TLN2: variants seen among roughly 807,000 people sequenced by gnomAD.
TLN2 encodes the protein talin 2.
A neutral mutation model predicts 294.7 loss-of-function variants in TLN2; 118 were observed. That is an observed-to-expected ratio of 0.40 (90% CI 0.34 to 0.47). The LOEUF (loss-of-function observed/expected upper bound fraction) is 0.47, where lower values mean the gene tolerates loss of function less well. Among genes scored for constraint, TLN2 ranks in the 20% least tolerant of loss-of-function variants. TLN2 has a pLI of 0.84. For missense variants in TLN2, 3,083 were observed against 3,282.2 expected, an observed-to-expected ratio of 0.94 and a Z score of 1.48; for synonymous variants, 1,431 against 1,304.5, an observed-to-expected ratio of 1.10 and a Z score of -2.09.
At chr15:62,519,450 C>G (rs1020170767) in intron 1 of TLN2, among the ~76,000 whole-genome samples, 5 of 152,156 alleles carry the variant, frequency 3.3e-5, no homozygotes, top group Non-Finnish European at 7.3e-5. Context: ...AATTTGTTTC[C>G]TGTGCCTTTT....
chr15:62,475,435 G>A (rs1255541170), intron 1 of TLN2, among the ~76,000 whole-genome samples: 1 of 152,142 alleles, frequency 6.6e-6, no homozygotes, highest in African/African-American at 2.4e-5. Flanking sequence ...AGGGCTAACC[G>A]AAGCTAGAAT....
intron 23 of TLN2, among the ~76,000 whole-genome samples, 184 bp downstream of exon 23, chr15:62,716,643 T>G (rs753657617): frequency 2.6e-5 from 4 of 152,248 alleles, no homozygotes; most frequent in Non-Finnish European, 4.4e-5. Context: ...TTCCGTAAGC[T>G]CGAATCCTTT....
chr15:62,391,223 C>T (rs564376428), intron 1 of TLN2, among the ~76,000 whole-genome samples: 71 of 152,266 alleles, frequency 4.7e-4, no homozygotes, highest in Admixed American at 1.2e-3. Context: ...TGGGCTAAGA[C>T]AGCCCGCCAG....
Position 62,484,533 on chromosome 15 carries a change from C to T in TLN2, c.-238+93848C>T, listed in dbSNP as rs184784015. ...CTCCACCTCCCGGGTTCAAGCGATT[C>T]TCCTGCCTCAGCCTCCCCAAGTAGC... On this transcript the variant is annotated intron_variant, in intron 1 of 58. Transcript: ENST00000636159. 4.9e-3 allele frequency among the ~76,000 whole-genome samples: 747 copies of T among 152,196 alleles called. 5 individuals carry two copies. Among genetic ancestry groups the T allele is most frequent in the Non-Finnish European group, 8.1e-3 (548 of 68,008 alleles).
At chr15:62,697,621 T>TGG in intron 14 of TLN2, 67 bp from the exon 15 acceptor site, 2 of 1,512,774 alleles carry the variant, frequency 1.3e-6, no homozygotes, top group East Asian at 4.6e-5. Flanking sequence ...GTGACATCTG[T>TGG]GGGGTCTCCT....
Position 62,657,153 on chromosome 15 carries a change from T to TGGGG in TLN2, c.661-612_661-609dup, listed in dbSNP as rs35956846. ...TTAGAGAAAGGAAAGGCTGAAAAGGTGGGGGGGGGAAGCAACAGCAGTGAT... is the reference window on the plus strand; with the variant it reads ...TTAGAGAAAGGAAAGGCTGAAAAGGTGGGGGGGGGGGGGAAGCAACAGCAGTGAT... On this transcript the variant is annotated intron_variant, in intron 8 of 58. Transcript: ENST00000636159. 1.0e-4 allele frequency among the ~76,000 whole-genome samples: 14 copies of TGGGG among 139,492 alleles called. No homozygotes were observed. The East Asian group carries it at 2.7e-3, about 26-fold the overall frequency. 91.5% of individuals were successfully genotyped at this position (139,492 alleles called of 152,430 possible).
intron 14 of TLN2, among the ~76,000 whole-genome samples, chr15:62,694,824 T>C (rs1347610303): frequency 6.6e-6 from 1 of 152,164 alleles, no homozygotes; most frequent in African/African-American, 2.4e-5. Context: ...ATGCCACGCT[T>C]GTCTCGAGTG....
intron 41 of TLN2, among the ~76,000 whole-genome samples, chr15:62,767,525 G>C (rs1032353204): frequency 2.0e-5 from 3 of 152,114 alleles, no homozygotes; most frequent in Non-Finnish European, 4.4e-5. Flanking sequence ...TATTAGTAGA[G>C]ACGGGGTTTC....
At chr15:62,570,093 C>T (rs1215087714) in intron 1 of TLN2, among the ~76,000 whole-genome samples, 1 of 152,182 alleles carries the variant, frequency 6.6e-6, no homozygotes, top group Non-Finnish European at 1.5e-5. Flanking sequence ...TCTTAAGACT[C>T]TTCAGGGCTG....
intron 1 of TLN2, among the ~76,000 whole-genome samples, chr15:62,420,541 C>T (rs551067444): frequency 2.0e-5 from 3 of 152,194 alleles, no homozygotes; most frequent in Admixed American, 6.5e-5. Flanking sequence ...GGACTACAGG[C>T]GTGCCACCAT....
intron 1 of TLN2, among the ~76,000 whole-genome samples, chr15:62,513,560 A>C (rs2140456779): frequency 6.6e-6 from 1 of 152,242 alleles, no homozygotes; most frequent in Admixed American, 6.5e-5. Flanking sequence ...AACCTTGTAG[A>C]CCTTTACCTT....
rs776484571 is a variant in TLN2, at chr15:62,819,601, A to G, written c.6857A>G (p.Gln2286Arg). Residue 2286 changes from glutamine to arginine, a missense_variant, in exon 53 of 59, where the codon CAG (glutamine) becomes CGG (arginine). Coordinates refer to ENST00000636159, the MANE Select transcript of TLN2 (RefSeq NM_015059.3). ...RVAGAVTELI[Q>R]AAEAMKGTEW... is the part of the protein sequence containing the mutation. Reference sequence around the variant, plus strand: ...GCCGGCGCTGTGACAGAGCTCATCCAGGCGGCGGAAGCCATGAAAGGTAGG... The same window carrying G: ...GCCGGCGCTGTGACAGAGCTCATCCGGGCGGCGGAAGCCATGAAAGGTAGG... 26 of 1,611,324 alleles carry G rather than the reference A, an allele frequency of 1.6e-5. No individual in the cohort carries two copies. The South Asian group carries it at 2.9e-4, about 18-fold the overall frequency.
At position 62,580,081 on chromosome 15, in the gene TLN2, T is replaced by C. The variant is rs571421409; in HGVS notation, c.-237-9606T>C. On this transcript the variant is annotated intron_variant, in intron 1 of 58. Transcript: ENST00000636159. ...ACCTCTCCCAGGCCCTGGCCTGCAG[T>C]GGGGAGATCTCCCACAGGGAGTTCC... Among the ~76,000 whole-genome samples the C allele has an allele frequency of 3.0e-3, 457 of 152,260 alleles. 3 individuals carry two copies. The highest frequency in any genetic ancestry group is 0.011 in the African/African-American group (448 of 41,558).
chr15:62,753,785 G>A lies in TLN2; in HGVS notation c.4345G>A (p.Val1449Ile). ...TEAAAQAAYL[V>I]GISDPNSQAG... ...CTTCCCTTTCTAGGCTGCATACTTG[G>A]TTGGCATCTCTGATCCAAACAGCCA... Residue 1449 changes from valine (V) to isoleucine (I), a missense_variant, in exon 36 of 59, where the codon GTT becomes ATT. Val to Ile is a conservative substitution (Grantham distance 29). Transcript: ENST00000636159. 6.2e-7 allele frequency: 1 copy of A among 1,609,824 alleles called. No homozygotes were observed. Among genetic ancestry groups the A allele is most frequent in the Non-Finnish European group, 8.5e-7 (1 of 1,178,184 alleles).
intron 1 of TLN2, among the ~76,000 whole-genome samples, chr15:62,481,722 T>G (rs1292882372): frequency 2.0e-5 from 3 of 152,084 alleles, no homozygotes; most frequent in Non-Finnish European, 4.4e-5. Flanking sequence ...TTTAAAAAAC[T>G]AATATGGATG....
At chr15:62,546,941 C>T (rs771903175) in intron 1 of TLN2, among the ~76,000 whole-genome samples, 1 of 152,146 alleles carries the variant, frequency 6.6e-6, no homozygotes, top group Non-Finnish European at 1.5e-5. Flanking sequence ...GTTTACAAGC[C>T]CCTGCTGATA....
At chr15:62,721,775 T>C (rs960175547) in intron 25 of TLN2, among the ~76,000 whole-genome samples, 1 of 152,162 alleles carries the variant, frequency 6.6e-6, no homozygotes, top group Non-Finnish European at 1.5e-5. Flanking sequence ...AATTGAGAAA[T>C]GGCAATAGTT....
At chr15:62,412,577 TC>T (rs2033835519) in intron 1 of TLN2, among the ~76,000 whole-genome samples, 1 of 152,200 alleles carries the variant, frequency 6.6e-6, no homozygotes, top group Non-Finnish European at 1.5e-5. Flanking sequence ...GACACCTTCT[TC>T]CTGTCCCTGG....
chr15:62,509,468 T>C (rs1346811826), intron 1 of TLN2, among the ~76,000 whole-genome samples: 2 of 152,210 alleles, frequency 1.3e-5, no homozygotes, highest in Non-Finnish European at 2.9e-5. Context: ...AAATCTGACT[T>C]AGCAAACTTT....
Sources: allele counts gnomAD v4.1 joint callset (sites outside exome capture counted in the v4.1 genomes callset), GRCh38; gene constraint gnomAD v4.1.1; transcripts MANE v1.5; gene names NCBI Gene and HGNC (gene_info 2026-07-23, HGNC 2026-07-21).